DGKB: variants seen among roughly 807,000 people sequenced by gnomAD.
DGKB encodes 90 kDa diacylglycerol kinase.
DGKB carries 67 observed loss-of-function variants against 114.3 expected under a neutral mutation model. The observed-to-expected ratio is 0.59, with a 90% CI of 0.48 to 0.72. DGKB has a LOEUF of 0.72. Ranked by LOEUF, DGKB falls within the 30% of genes least tolerant of loss-of-function variation. DGKB has a pLI of 0.00. For missense variants in DGKB, 907 were observed against 975.2 expected, an observed-to-expected ratio of 0.93 and a Z score of 0.93; for synonymous variants, 398 against 323.1, an observed-to-expected ratio of 1.23 and a Z score of -2.49.
chr7:14,348,975 A>T (rs1812958529), intron 21 of DGKB, among the ~76,000 whole-genome samples: 1 of 152,052 alleles, frequency 6.6e-6, no homozygotes, highest in Non-Finnish European at 1.5e-5. Context: ...TGATCTTATG[A>T]TTAAGAAGAA....
At chr7:14,162,164 G>T (rs911709541) in intron 25 of DGKB, among the ~76,000 whole-genome samples, 1 of 152,140 alleles carries the variant, frequency 6.6e-6, no homozygotes, top group Admixed American at 6.6e-5. Context: ...GTTAGAAAAG[G>T]CAAGGTCAGA....
chr7:14,361,153 A>G (rs556805804), intron 21 of DGKB, among the ~76,000 whole-genome samples: 3 of 152,192 alleles, frequency 2.0e-5, no homozygotes, highest in African/African-American at 4.8e-5. Flanking sequence ...TTTTCTTCAC[A>G]CATCAGCAGT....
chr7:14,653,641 A>G (rs1432317753), intron 13 of DGKB, among the ~76,000 whole-genome samples: 1 of 144,596 alleles, frequency 6.9e-6, no homozygotes, highest in African/African-American at 2.8e-5. Context: ...TGTACTCTAA[A>G]ACTTAAAGTA....
At chr7:14,908,214 T>G (rs1783808672), upstream of DGKB, among the ~76,000 whole-genome samples, 1 of 152,208 alleles carries the variant, frequency 6.6e-6, no homozygotes, top group African/African-American at 2.4e-5. Context: ...ATTGTGATTT[T>G]ATTTTATTTT....
rs188373098 is a variant in DGKB at position 14,916,290 on chromosome 7, A to T, written c.-188+58406T>A. ...AAGCAGTGAAAGAGGGAACGACTTT[A>T]AAAAAAGAGCAAGTGCAATGTGTAA... is the stretch of plus-strand genomic sequence containing the variant. On this transcript the variant is annotated intron_variant, in intron 1 of 4. Transcript: ENST00000437998. Among the ~76,000 whole-genome samples, 16 of 130,632 alleles carry T rather than the reference A, an allele frequency of 1.2e-4. 2 individuals carry two copies. The highest frequency in any genetic ancestry group is 5.0e-4 in the African/African-American group (16 of 32,026). The allele number at this position is 130,632 out of a possible 152,430, so 85.7% of individuals were successfully genotyped here.
chr7:14,697,479 A>G (rs1433301179), intron 8 of DGKB, among the ~76,000 whole-genome samples: 2 of 152,136 alleles, frequency 1.3e-5, no homozygotes, highest in East Asian at 3.9e-4. Context: ...ATGTAAGACC[A>G]CCATTCAAAA....
intron 20 of DGKB, among the ~76,000 whole-genome samples, chr7:14,504,518 T>A (rs1437514237): frequency 1.3e-5 from 2 of 152,164 alleles, no homozygotes; most frequent in African/African-American, 4.8e-5. Context: ...CCCTATAGCT[T>A]TTGCTTTGTG....
chr7:14,714,399 G>T (rs1338177481), intron 6 of DGKB, among the ~76,000 whole-genome samples: 1 of 152,108 alleles, frequency 6.6e-6, no homozygotes. Flanking sequence ...GTAGGTTGGG[G>T]TCAAACTGTG....
chr7:14,964,266 G>A (rs1331776348), intron 1 of DGKB, among the ~76,000 whole-genome samples: 5 of 152,094 alleles, frequency 3.3e-5, no homozygotes, highest in African/African-American at 1.2e-4. Context: ...AGCACTTTAG[G>A]AGGCCAGACA....
At chr7:14,522,826 T>C (rs1367865530) in intron 20 of DGKB, among the ~76,000 whole-genome samples, 2 of 152,172 alleles carry the variant, frequency 1.3e-5, no homozygotes, top group African/African-American at 4.8e-5. Flanking sequence ...GACTTTCGAC[T>C]GCTTGATTTA....
At chr7:14,461,680 A>G (rs1833104410) in intron 21 of DGKB, among the ~76,000 whole-genome samples, 1 of 152,018 alleles carries the variant, frequency 6.6e-6, no homozygotes. Flanking sequence ...AGAGGTATGA[A>G]GAGGAGTTGG....
chr7:14,329,845 C>A (rs1467835939), intron 23 of DGKB, among the ~76,000 whole-genome samples: 2 of 151,912 alleles, frequency 1.3e-5, no homozygotes, highest in African/African-American at 4.8e-5. Context: ...TATTATCAGG[C>A]AATATTTATT....
intron 23 of DGKB, among the ~76,000 whole-genome samples, chr7:14,184,938 G>T (rs1783179901): frequency 6.6e-6 from 1 of 152,100 alleles, no homozygotes. Context: ...GGGAGAAGTT[G>T]AAAGCATTCC....
At chr7:14,342,798 C>A (rs1020028115) in intron 22 of DGKB, among the ~76,000 whole-genome samples, 3 of 151,754 alleles carry the variant, frequency 2.0e-5, no homozygotes, top group African/African-American at 7.3e-5. Context: ...CCATGATATT[C>A]ATATCAACCC....
At chr7:14,636,604 T>C (rs544304663) in intron 13 of DGKB, among the ~76,000 whole-genome samples, 13 of 151,908 alleles carry the variant, frequency 8.6e-5, no homozygotes, top group Admixed American at 3.3e-4. Context: ...GAGTACAAGA[T>C]ACGATAACTA....
intron 1 of DGKB, among the ~76,000 whole-genome samples, chr7:14,857,375 C>G (rs1438272917): frequency 6.6e-6 from 1 of 151,858 alleles, no homozygotes; most frequent in Non-Finnish European, 1.5e-5. Context: ...GGATCTTTCT[C>G]TAGTCAAACT....
intron 13 of DGKB, among the ~76,000 whole-genome samples, chr7:14,655,393 C>G (rs1205321982): frequency 6.6e-6 from 1 of 151,658 alleles, no homozygotes; most frequent in Non-Finnish European, 1.5e-5. Context: ...ATAAGAAATA[C>G]TGGCTAGGAT....
chr7:14,536,378 A>C (rs914221281), intron 20 of DGKB, among the ~76,000 whole-genome samples: 5 of 152,208 alleles, frequency 3.3e-5, no homozygotes, highest in Non-Finnish European at 7.3e-5. Context: ...CATGAATGCA[A>C]TATCCCTAAT....
intron 23 of DGKB, among the ~76,000 whole-genome samples, chr7:14,204,751 A>T (rs1411100762): frequency 6.6e-6 from 1 of 152,036 alleles, no homozygotes; most frequent in Non-Finnish European, 1.5e-5. Flanking sequence ...CTCCACATTG[A>T]AAAAGGGATG....
Sources: allele counts gnomAD v4.1 joint callset (sites outside exome capture counted in the v4.1 genomes callset), GRCh38; gene constraint gnomAD v4.1.1; transcripts MANE v1.5; gene names NCBI Gene and HGNC (gene_info 2026-07-23, HGNC 2026-07-21).